Variants in C12orf54 observed in about 807,000 individuals in gnomAD.
The protein encoded by C12orf54 is uncharacterized protein C12orf54.
A neutral mutation model predicts 26.4 loss-of-function variants in C12orf54; 24 were observed. The ratio of observed to expected loss-of-function variants is 0.91; its 90% CI spans 0.66 to 1.28. C12orf54 has a LOEUF of 1.28. C12orf54 is among the 50% of genes most tolerant of loss of function. The pLI, the probability that C12orf54 is intolerant of heterozygous loss-of-function variation, is 0.00. For synonymous variants in C12orf54, 54 were observed against 47.0 expected (o/e 1.15, Z -0.61); for missense variants, 154 against 150.9 (o/e 1.02, Z -0.11).
chr12:48,468,220 C>CTT, the C12orf54 span, among the ~76,000 whole-genome samples: 1 of 152,088 alleles, frequency 6.6e-6, no homozygotes, highest in Non-Finnish European at 1.5e-5. Flanking sequence ...GCAGCTGCTG[C>CTT]TTTAGAGAGG....
chr12:48,479,019 C>A (rs1486105428), upstream of C12orf54, among the ~76,000 whole-genome samples: 2 of 151,998 alleles, frequency 1.3e-5, no homozygotes, highest in East Asian at 3.9e-4. Context: ...TTACTGTATA[C>A]CCAAAGGATT....
chr12:48,445,210 T>C, the C12orf54 span, among the ~76,000 whole-genome samples: 30,099 of 150,324 alleles, frequency 0.2, 3,384 homozygotes, highest in African/African-American at 0.29. Flanking sequence ...AACGGATGAG[T>C]ATGTGAATGA....
At chr12:48,476,786 C>G in the C12orf54 span, among the ~76,000 whole-genome samples, 1 of 152,122 alleles carries the variant, frequency 6.6e-6, no homozygotes, top group African/African-American at 2.4e-5. Context: ...GACTCCCACA[C>G]AATAATAATG....
chr12:48,469,327 C>G, the C12orf54 span, among the ~76,000 whole-genome samples: 1 of 152,178 alleles, frequency 6.6e-6, no homozygotes, highest in Non-Finnish European at 1.5e-5. Flanking sequence ...GGAATGCCTT[C>G]GTTTTCCCAG....
the C12orf54 span, among the ~76,000 whole-genome samples, chr12:48,467,174 A>G: frequency 4.6e-5 from 7 of 152,308 alleles, no homozygotes; most frequent in Admixed American, 3.3e-4. Context: ...TCAGAAGAGA[A>G]GGTGATGGGA....
intron 7 of C12orf54, among the ~76,000 whole-genome samples, chr12:48,494,076 G>A (rs79659666): frequency 0.057 from 3,653 of 63,752 alleles, 812 homozygotes; most frequent in East Asian, 0.44. Flanking sequence ...AAAATTAGCT[G>A]GGCGTGGTGG....
intron 2 of C12orf54, among the ~76,000 whole-genome samples, chr12:48,483,992 G>A (rs547089347): frequency 1.6e-4 from 25 of 152,270 alleles, no homozygotes; most frequent in Admixed American, 4.6e-4. Flanking sequence ...TTGGGAGTTC[G>A]AGATCAGCCT....
At chr12:48,426,636 T>C in the C12orf54 span, among the ~76,000 whole-genome samples, 1 of 152,166 alleles carries the variant, frequency 6.6e-6, no homozygotes, top group Admixed American at 6.6e-5. Flanking sequence ...ATTGGTAGTT[T>C]GATAAGAATA....
the C12orf54 span, among the ~76,000 whole-genome samples, chr12:48,423,401 C>A: frequency 6.6e-6 from 1 of 151,978 alleles, no homozygotes; most frequent in Non-Finnish European, 1.5e-5. Flanking sequence ...AGAATACTTA[C>A]ATGTAGATAA....
At chr12:48,445,409 T>C in the C12orf54 span, among the ~76,000 whole-genome samples, 3 of 152,342 alleles carry the variant, frequency 2.0e-5, no homozygotes, top group East Asian at 5.8e-4. Flanking sequence ...TTCTGCACTT[T>C]CGCATACCTC....
the C12orf54 span, among the ~76,000 whole-genome samples, chr12:48,456,693 T>A: frequency 6.6e-6 from 1 of 152,202 alleles, no homozygotes; most frequent in African/African-American, 2.4e-5. Flanking sequence ...CACATAACAT[T>A]TAGCATATTG....
the C12orf54 span, among the ~76,000 whole-genome samples, chr12:48,417,504 C>T: frequency 1.3e-5 from 2 of 152,174 alleles, no homozygotes. Flanking sequence ...CAATTAACAT[C>T]TTTGATTTTG....
chr12:48,471,855 G>A, the C12orf54 span, among the ~76,000 whole-genome samples: 3 of 152,134 alleles, frequency 2.0e-5, no homozygotes, highest in Non-Finnish European at 4.4e-5. Context: ...TGAATTCAGA[G>A]TAGTTTTTTT....
the C12orf54 span, among the ~76,000 whole-genome samples, chr12:48,418,501 A>C: frequency 2.0e-5 from 3 of 152,212 alleles, no homozygotes; most frequent in Admixed American, 1.3e-4. Context: ...GAGATGACTT[A>C]ACAAGTGAAT....
At chr12:48,490,741 T>C (rs1937771964) in intron 5 of C12orf54, 71 bp from the exon 6 acceptor site, 3 of 1,559,156 alleles carry the variant, frequency 1.9e-6, no homozygotes, top group African/African-American at 2.7e-5. Flanking sequence ...ACCAAGTCTA[T>C]AGCTAATACA....
At chr12:48,431,768 C>G in the C12orf54 span, among the ~76,000 whole-genome samples, 2 of 152,056 alleles carry the variant, frequency 1.3e-5, no homozygotes, top group Non-Finnish European at 2.9e-5. Flanking sequence ...ATAGGCAAAT[C>G]TATATACATA....
the C12orf54 span, among the ~76,000 whole-genome samples, chr12:48,468,473 A>G: frequency 6.6e-6 from 1 of 152,214 alleles, no homozygotes; most frequent in Non-Finnish European, 1.5e-5. Context: ...GATGTGATCT[A>G]TATGTGTTTT....
the C12orf54 span, among the ~76,000 whole-genome samples, chr12:48,470,746 G>A: frequency 6.6e-6 from 1 of 151,822 alleles, no homozygotes; most frequent in African/African-American, 2.4e-5. Flanking sequence ...TGCCAAGGTT[G>A]ATGTCAACAA....
At chr12:48,420,791 A>G in the C12orf54 span, among the ~76,000 whole-genome samples, 1 of 152,342 alleles carries the variant, frequency 6.6e-6, no homozygotes, top group South Asian at 2.1e-4. Context: ...TGGTTTCAGA[A>G]GAGTTGAGTT....
Sources: allele counts gnomAD v4.1 joint callset (sites outside exome capture counted in the v4.1 genomes callset), GRCh38; gene constraint gnomAD v4.1.1; transcripts MANE v1.5; gene names NCBI Gene and HGNC (gene_info 2026-07-23, HGNC 2026-07-21).